Variants in MAP2K6 observed in about 807,000 individuals in gnomAD.
MAP2K6 encodes mitogen-activated protein kinase kinase 6.
MAP2K6 carries 16 observed loss-of-function variants against 53.7 expected under a neutral mutation model. That is an observed-to-expected ratio of 0.30 (90% CI 0.20 to 0.45). The LOEUF (loss-of-function observed/expected upper bound fraction) is 0.45. Ranked by LOEUF, MAP2K6 falls within the 20% of genes least tolerant of loss-of-function variation. The probability of loss-of-function intolerance (pLI) is 1.00; values close to 1 mark genes in which losing one functional copy is unlikely to be tolerated. For synonymous variants in MAP2K6, 132 were observed against 143.1 expected (o/e 0.92, Z 0.55); for missense variants, 204 against 411.9 (o/e 0.50, Z 4.37).
rs10579616 is a variant in MAP2K6, at chr17:69,462,950, C to CT, written c.17-42810dup. 6.6e-4 allele frequency among the ~76,000 whole-genome samples: 72 copies of CT among 109,754 alleles called. No homozygotes were observed. The East Asian group carries it at 0.011, about 17-fold the overall frequency. 72.0% of individuals were successfully genotyped at this position (109,754 alleles called of 152,430 possible). A position where few individuals can be genotyped will look rare whatever the true frequency, so the allele number is the denominator to read the frequency against. ...TGAAAGAGGCCCAGCAATGACTTGT[C>CT]TTTTTTTTTTTTTTTTTTTTGCCTT... On this transcript the variant is annotated intron_variant, in intron 1 of 11. Coordinates refer to ENST00000590474, the MANE Select transcript of MAP2K6 (RefSeq NM_002758.4).
chr17:69,415,931 C>CAGA (rs1905885140), intron 1 of MAP2K6, among the ~76,000 whole-genome samples: 1 of 152,084 alleles, frequency 6.6e-6, no homozygotes, highest in African/African-American at 2.4e-5. Context: ...ATTTTGCAGG[C>CAGA]TTAATGTCAC....
At chr17:69,518,183 C>T (rs140586515) in intron 4 of MAP2K6, among the ~76,000 whole-genome samples, 1 of 148,066 alleles carries the variant, frequency 6.8e-6, no homozygotes, top group African/African-American at 2.5e-5. Context: ...GAGTGAGACT[C>T]CATCTCAAAT....
chr17:69,458,862 C>T (rs995583746), intron 1 of MAP2K6, among the ~76,000 whole-genome samples: 2 of 152,170 alleles, frequency 1.3e-5, no homozygotes, highest in Middle Eastern at 3.2e-3. Context: ...CTTCTCTTCC[C>T]ACTTCTCCAC....
chr17:69,538,757 C>T (rs1025499352), intron 11 of MAP2K6, among the ~76,000 whole-genome samples: 3 of 152,186 alleles, frequency 2.0e-5, no homozygotes, highest in African/African-American at 7.2e-5. Flanking sequence ...CTTCTTCTCT[C>T]AAATGTCACT....
At chr17:69,518,462 G>C (rs1910288506) in intron 4 of MAP2K6, among the ~76,000 whole-genome samples, 1 of 152,136 alleles carries the variant, frequency 6.6e-6, no homozygotes, top group African/African-American at 2.4e-5. Context: ...TGTGGAAAAA[G>C]GAGGGTAAAA....
intron 1 of MAP2K6, among the ~76,000 whole-genome samples, chr17:69,424,072 A>G (rs1254505179): frequency 6.6e-6 from 1 of 152,192 alleles, no homozygotes; most frequent in Non-Finnish European, 1.5e-5. Context: ...GGGACCAGAG[A>G]GGTTTCCAGT....
At chr17:69,488,781 G>A (rs1185549876) in intron 1 of MAP2K6, among the ~76,000 whole-genome samples, 1 of 151,956 alleles carries the variant, frequency 6.6e-6, no homozygotes, top group Non-Finnish European at 1.5e-5. Flanking sequence ...AGGAGGGAGG[G>A]GAGAAAGGGT....
chr17:69,494,036 T>C lies in MAP2K6; in HGVS notation c.17-11744T>C, dbSNP rs1908853134. Among the ~76,000 whole-genome samples the C allele has an allele frequency of 6.6e-6, 1 of 152,208 alleles. No individual in the cohort carries two copies. Among genetic ancestry groups the C allele is most frequent in the East Asian group, 1.9e-4 (1 of 5,190 alleles). On this transcript the variant is annotated intron_variant, in intron 1 of 11. Coordinates refer to ENST00000590474, the MANE Select transcript of MAP2K6 (RefSeq NM_002758.4). The surrounding 1 kb of genome is among the most constrained non-coding windows in gnomAD (Gnocchi z 4.2). Reference sequence around the variant, plus strand: ...AAAGTAGTCTTGCCAAACAATCTGATCAAGTTGAATCTGATCAATTTCTAA... The same window carrying C: ...AAAGTAGTCTTGCCAAACAATCTGACCAAGTTGAATCTGATCAATTTCTAA...
At chr17:69,499,821 C>T (rs1004816902) in intron 1 of MAP2K6, among the ~76,000 whole-genome samples, 2 of 152,100 alleles carry the variant, frequency 1.3e-5, no homozygotes, top group Admixed American at 6.5e-5. Flanking sequence ...GGAAGATGGT[C>T]GTGGAGATCT....
intron 10 of MAP2K6, among the ~76,000 whole-genome samples, chr17:69,532,973 G>T (rs1278148933): frequency 1.3e-5 from 2 of 151,930 alleles, no homozygotes. Flanking sequence ...CTGTTGCCCA[G>T]GCTGGAGTGC....
chr17:69,491,621 T>A (rs1396120527), intron 1 of MAP2K6, among the ~76,000 whole-genome samples: 1 of 152,216 alleles, frequency 6.6e-6, no homozygotes, highest in Non-Finnish European at 1.5e-5. Context: ...AGTTCTGTTT[T>A]TAGCTCTTTG....
chr17:69,418,472 G>A (rs1211168979), intron 1 of MAP2K6, among the ~76,000 whole-genome samples: 1 of 151,998 alleles, frequency 6.6e-6, no homozygotes, highest in Non-Finnish European at 1.5e-5. Flanking sequence ...TCATAGAAAA[G>A]GAAAAATAAG....
At chr17:69,481,150 T>C (rs559511437) in intron 1 of MAP2K6, among the ~76,000 whole-genome samples, 5 of 152,168 alleles carry the variant, frequency 3.3e-5, no homozygotes, top group African/African-American at 1.2e-4. Context: ...CCCAGTTTTT[T>C]CCCCCTCCTC....
At chr17:69,534,576 T>A (rs537757316) in intron 10 of MAP2K6, among the ~76,000 whole-genome samples, 7 of 151,756 alleles carry the variant, frequency 4.6e-5, no homozygotes, top group East Asian at 1.9e-4. Context: ...TTTTTTTTTT[T>A]AATTTTATTT....
At chr17:69,446,678 C>T (rs1310943850) in intron 1 of MAP2K6, among the ~76,000 whole-genome samples, 1 of 152,096 alleles carries the variant, frequency 6.6e-6, no homozygotes, top group Non-Finnish European at 1.5e-5. Context: ...CGATCAGGGG[C>T]ACTCTAGAGC....
intron 1 of MAP2K6, among the ~76,000 whole-genome samples, chr17:69,466,987 A>C (rs1907836038): frequency 6.6e-6 from 1 of 152,230 alleles, no homozygotes; most frequent in Non-Finnish European, 1.5e-5. Flanking sequence ...TCTACCATGA[A>C]ATCTGTTGCA....
chr17:69,415,129 C>G, intron 1 of MAP2K6, 129 bp downstream of exon 1: 1 of 832,394 alleles, frequency 1.2e-6, no homozygotes, highest in South Asian at 1.5e-5. Context: ...AGTTGCATTT[C>G]CTGTTTAGTA....
intron 1 of MAP2K6, among the ~76,000 whole-genome samples, chr17:69,503,658 A>G (rs1010359388): frequency 1.3e-5 from 2 of 152,188 alleles, no homozygotes; most frequent in African/African-American, 4.8e-5. Context: ...AAATTTCATT[A>G]TACATTATAG....
In MAP2K6 at chr17:69,553,848, G is replaced by T. The variant is rs1017497778; in HGVS notation, c.*12095G>T. The T allele has an allele frequency of 6.6e-6, 1 of 152,096 alleles. No individual in the cohort carries two copies. The highest frequency in any genetic ancestry group is 1.5e-5 in the Non-Finnish European group (1 of 68,018). The allele number at this position is 152,096 out of a possible 1,614,324, so 9.4% of individuals were successfully genotyped here. ...ATAAGAAAATGTACAACCAATAAAA[G>T]ACATTTTAAAAAGCGTAGTGAGTCT... On this transcript the variant is annotated 3_prime_UTR_variant, in exon 12 of 12. Transcript: ENST00000590474.
Sources: gnomAD v4.1 joint callset for allele counts (sites outside exome capture counted in the v4.1 genomes callset) on GRCh38, gnomAD v4.1.1 for gene constraint, Gnocchi (gnomAD v3.1) non-coding constraint, MANE v1.5 for transcripts, NCBI Gene and HGNC (gene_info 2026-07-23, HGNC 2026-07-21) for gene names.